Variants in PRKN observed in about 807,000 individuals in gnomAD.
PRKN encodes the protein E3 ubiquitin-protein ligase parkin.
In PRKN, 56 loss-of-function variants were observed where a neutral mutation model predicts 59.5. The ratio of observed to expected loss-of-function variants is 0.94; its 90% confidence interval spans 0.76 to 1.18. PRKN has a LOEUF of 1.18. PRKN is among the 50% of genes most tolerant of loss of function. The pLI is 0.00. For synonymous variants in PRKN, 250 were observed against 222.1 expected, an observed-to-expected ratio of 1.13 and a Z score of -1.12; for missense variants, 657 against 596.4, an observed-to-expected ratio of 1.10 and a Z score of -1.06.
intron 9 of PRKN, among the ~76,000 whole-genome samples, chr6:161,534,783 C>A (rs988538368): frequency 2.1e-4 from 32 of 152,194 alleles, no homozygotes; most frequent in Non-Finnish European, 1.6e-4. Context: ...AAACAATTTT[C>A]CCCTACAAGT....
intron 1 of PRKN, among the ~76,000 whole-genome samples, chr6:162,589,016 C>T (rs1036800459): frequency 1.3e-5 from 2 of 152,142 alleles, no homozygotes; most frequent in East Asian, 1.9e-4. Context: ...TCTTCCACTC[C>T]CACCAGCTCT....
chr6:162,405,703 A>G (rs1232127015), intron 2 of PRKN, among the ~76,000 whole-genome samples: 4 of 152,126 alleles, frequency 2.6e-5, no homozygotes, highest in Admixed American at 6.5e-5. Flanking sequence ...TTAGGACAGG[A>G]GAGATACTGG....
chr6:161,796,858 G>A, intron 6 of PRKN, among the ~76,000 whole-genome samples: 1 of 152,174 alleles, frequency 6.6e-6, no homozygotes, highest in East Asian at 1.9e-4. Flanking sequence ...ACTAACTCAT[G>A]CACATATCTT....
At chr6:162,645,868 CTTTT>C (rs751656108) in intron 1 of PRKN, among the ~76,000 whole-genome samples, 5 of 121,138 alleles carry the variant, frequency 4.1e-5, no homozygotes, top group Non-Finnish European at 3.5e-5. Flanking sequence ...TAAACTTTCT[CTTTT>C]TTTTTTTTTT....
chr6:162,567,347 A>G (rs985504843), intron 1 of PRKN, among the ~76,000 whole-genome samples: 1 of 152,226 alleles, frequency 6.6e-6, no homozygotes, highest in Non-Finnish European at 1.5e-5. Flanking sequence ...TCTGCAGATG[A>G]TATGATCTTA....
At chr6:162,394,705 T>A (rs1246573498) in intron 2 of PRKN, among the ~76,000 whole-genome samples, 3 of 152,184 alleles carry the variant, frequency 2.0e-5, no homozygotes, top group Non-Finnish European at 4.4e-5. Context: ...TTAATTTTGC[T>A]TTTGGAAAAT....
chr6:162,694,252 A>AG, intron 1 of PRKN, among the ~76,000 whole-genome samples: 1 of 151,710 alleles, frequency 6.6e-6, no homozygotes, highest in East Asian at 1.9e-4. Context: ...AAAAAAAAAA[A>AG]AAAAAGAAGA....
At chr6:162,137,896 T>C (rs1031221680) in intron 4 of PRKN, among the ~76,000 whole-genome samples, 5 of 152,130 alleles carry the variant, frequency 3.3e-5, no homozygotes, top group Non-Finnish European at 7.3e-5. Context: ...AGTGGATATA[T>C]AGAAGTTATA....
intron 2 of PRKN, among the ~76,000 whole-genome samples, chr6:162,387,555 C>CACACACACACAGAGAGAGAG (rs1212726833): frequency 1.0e-5 from 1 of 95,576 alleles, no homozygotes; most frequent in African/African-American, 4.1e-5. Context: ...CACACACACA[C>CACACACACACAGAGAGAGAG]AGAGAGAGAG....
intron 4 of PRKN, among the ~76,000 whole-genome samples, chr6:162,132,403 C>T (rs550423778): frequency 6.6e-6 from 1 of 152,236 alleles, no homozygotes; most frequent in African/African-American, 2.4e-5. Flanking sequence ...GCAAGGCACA[C>T]AATAGAATAC....
At chr6:161,722,338 T>C (rs1787260612) in intron 7 of PRKN, among the ~76,000 whole-genome samples, 1 of 152,214 alleles carries the variant, frequency 6.6e-6, no homozygotes, top group Non-Finnish European at 1.5e-5. Flanking sequence ...TTGTACTTAG[T>C]ATATTTCATA....
chr6:162,067,673 G>A (rs991075308), intron 4 of PRKN, among the ~76,000 whole-genome samples: 2 of 152,156 alleles, frequency 1.3e-5, no homozygotes, highest in Non-Finnish European at 2.9e-5. Flanking sequence ...AAGAGCAATG[G>A]TGTAACGAAT....
intron 3 of PRKN, among the ~76,000 whole-genome samples, chr6:162,252,496 G>T (rs1583270421): frequency 6.6e-6 from 1 of 152,336 alleles, no homozygotes; most frequent in East Asian, 1.9e-4. Flanking sequence ...TTCAGATGTT[G>T]AAACCTAATC....
intron 4 of PRKN, among the ~76,000 whole-genome samples, chr6:162,087,589 C>CTTTTTTTT (rs35184111): frequency 1.9e-5 from 2 of 102,692 alleles, no homozygotes; most frequent in Non-Finnish European, 1.8e-5. Flanking sequence ...AGAATAATTT[C>CTTTTTTTT]TTTTTTTTTT....
At chr6:161,514,035 C>T (rs1254784311) in intron 9 of PRKN, among the ~76,000 whole-genome samples, 2 of 151,610 alleles carry the variant, frequency 1.3e-5, no homozygotes, top group African/African-American at 4.9e-5. Context: ...CCAGGAATTA[C>T]GATCTTCTCA....
In PRKN at chr6:161,417,607, G is replaced by A. The variant is rs1787910853; in HGVS notation, c.1084-30730C>T. Reference sequence around the variant, plus strand: ...TAGAAAAGAAAAAACTCACGGGGCTGGGGGTTACATCTATTGTTTCCTGTA... The same window carrying A: ...TAGAAAAGAAAAAACTCACGGGGCTAGGGGTTACATCTATTGTTTCCTGTA... On this transcript the variant is annotated intron_variant, in intron 9 of 11. Coordinates refer to ENST00000366898, the MANE Select transcript of PRKN (RefSeq NM_004562.3). This position sits in a 1 kb window ranked among gnomAD's most constrained non-coding sequence, Gnocchi z 5.4. Among the ~76,000 whole-genome samples, 1 of 152,110 alleles carries A rather than the reference G, an allele frequency of 6.6e-6. No homozygotes were observed. Among genetic ancestry groups the A allele is most frequent in the African/African-American group, 2.4e-5 (1 of 41,386 alleles).
At chr6:162,169,841 C>T (rs768765223) in intron 4 of PRKN, among the ~76,000 whole-genome samples, 8 of 152,166 alleles carry the variant, frequency 5.3e-5, no homozygotes, top group Admixed American at 3.9e-4. Context: ...TCAGGAGCTT[C>T]TCCATTGTTA....
intron 2 of PRKN, among the ~76,000 whole-genome samples, chr6:162,361,201 T>C (rs893850044): frequency 2.0e-5 from 3 of 152,068 alleles, no homozygotes; most frequent in African/African-American, 7.2e-5. Flanking sequence ...AAGTTCGCTT[T>C]GCATTTGGAG....
intron 11 of PRKN, among the ~76,000 whole-genome samples, chr6:161,351,815 A>G (rs1335495216): frequency 6.6e-6 from 1 of 152,214 alleles, no homozygotes; most frequent in Non-Finnish European, 1.5e-5. Flanking sequence ...GCACTTTTAA[A>G]TGGTGAAGAC....
Sources: gnomAD v4.1 joint callset for allele counts (sites outside exome capture counted in the v4.1 genomes callset) on GRCh38, gnomAD v4.1.1 for gene constraint, Gnocchi (gnomAD v3.1) non-coding constraint, MANE v1.5 for transcripts, NCBI Gene and HGNC (gene_info 2026-07-23, HGNC 2026-07-21) for gene names.